TAC1: variants seen among roughly 807,000 people sequenced by gnomAD.
The protein encoded by TAC1 is protachykinin-1.
A neutral mutation model predicts 21.7 loss-of-function variants in TAC1; 12 were observed. The ratio of observed to expected loss-of-function variants is 0.55; its 90% CI spans 0.35 to 0.89. The LOEUF (loss-of-function observed/expected upper bound fraction) is 0.89. Ranked by LOEUF, TAC1 falls within the 40% of genes least tolerant of loss-of-function variation. The pLI is 0.01. For synonymous variants in TAC1, 52 were observed against 52.0 expected, an observed-to-expected ratio of 1.00 and a Z score of 0.00; for missense variants, 128 against 151.4, an observed-to-expected ratio of 0.85 and a Z score of 0.81.
intron 2 of TAC1, chr7:97,733,060 C>G (rs1789472025): frequency 3.9e-6 from 1 of 254,348 alleles, no homozygotes; most frequent in South Asian, 7.5e-5. Context: ...ATTTCGGGGG[C>G]TCCGGTCCAG....
chr7:97,740,042 C>CA lies in TAC1; in HGVS notation c.*127dup. The stretch of plus-strand genomic sequence containing the variant: ...TAACAATTGTTTGGGGTTGAAAATT[C>CA]AAAAAGTGTTTATTTTTCATATTGT... On this transcript the variant is annotated 3_prime_UTR_variant, in exon 7 of 7. Transcript: ENST00000319273. The CA allele has an allele frequency of 1.5e-6, 1 of 680,876 alleles. No homozygotes were observed. The allele number at this position is 680,876 out of a possible 1,614,324, so 42.2% of individuals were successfully genotyped here.
intron 6 of TAC1, among the ~76,000 whole-genome samples, chr7:97,739,587 A>G (rs778939046): frequency 6.6e-6 from 1 of 151,998 alleles, no homozygotes; most frequent in Non-Finnish European, 1.5e-5. Flanking sequence ...CTGCTTGAGA[A>G]AGCTGCTGAG....
In TAC1 at chr7:97,733,742, T is replaced by C. The variant is rs1230564121; in HGVS notation, c.143T>C (p.Phe48Ser). The change falls in exon 3 of 7, where the codon TTT (phenylalanine) becomes TCT (serine). Residue 48 changes from phenylalanine (F) to serine (S), a missense_variant. Transcript: ENST00000319273. Reference protein sequence around the residue: ...DQIKEELPEPFEHLLQRIARR... With the variant: ...DQIKEELPEPSEHLLQRIARR... ...TCCCAGGAGGAACTGCCGGAGCCCT[T>C]TGAGCATCTTCTGCAGAGAATCGCC... 3 of 1,613,998 alleles carry C rather than the reference T, an allele frequency of 1.9e-6. No individual in the cohort carries two copies. The highest frequency in any genetic ancestry group is 2.2e-5 in the East Asian group (1 of 44,860).
Position 97,733,676 on chromosome 7 carries a change from C to G in TAC1, c.124-47C>G, listed in dbSNP as rs774214302. ...GAAGGGCTCGGGTTGCTGGGTGCCTCGCTCTGGTTGCCTTACACGCCCTTT... is the reference window on the plus strand; with the variant it reads ...GAAGGGCTCGGGTTGCTGGGTGCCTGGCTCTGGTTGCCTTACACGCCCTTT... On this transcript the variant is annotated intron_variant, in intron 2 of 6. Transcript: ENST00000319273. 8 of 1,596,266 alleles carry G rather than the reference C, an allele frequency of 5.0e-6. No individual in the cohort carries two copies. The East Asian group carries it at 1.6e-4, about 31-fold the overall frequency.
Position 97,732,766 on chromosome 7 carries a change from C to T in TAC1, c.123+31C>T, listed in dbSNP as rs1789464111. ...GCCCCTTCCCAGGACGGCCCGCACC[C>T]TTCTTCCTGGGCTCGGGAGCTGTCA... On this transcript the variant is annotated intron_variant, in intron 2 of 6. Coordinates refer to ENST00000319273, the MANE Select transcript of TAC1 (RefSeq NM_003182.3). The surrounding 1 kb of genome is among the most constrained non-coding windows in gnomAD (Gnocchi z 6.2). 1 of 1,602,294 alleles carries T rather than the reference C, an allele frequency of 6.2e-7. No homozygotes were observed. Among genetic ancestry groups the T allele is most frequent in the East Asian group, 2.2e-5 (1 of 44,654 alleles).
chr7:97,739,760 G>A (rs1642493893), intron 6 of TAC1, 114 bp from the exon 7 acceptor site: 7 of 623,938 alleles, frequency 1.1e-5, no homozygotes, highest in Non-Finnish European at 1.6e-5. Context: ...TACTTCTGTA[G>A]AGGGAAAATG....
chr7:97,732,976 G>T lies in TAC1; in HGVS notation c.123+241G>T. On this transcript the variant is annotated intron_variant, in intron 2 of 6. Transcript: ENST00000319273. The surrounding 1 kb of genome is among the most constrained non-coding windows in gnomAD (Gnocchi z 6.2). ...CGGCCCAGGAACTCCCTGCAGTAGG[G>T]ATGCCCTCCCGGATGAGCCCGAGAT... The T allele has an allele frequency of 2.3e-6, 1 of 431,320 alleles. No individual in the cohort carries two copies. Among genetic ancestry groups the T allele is most frequent in the Non-Finnish European group, 4.1e-6 (1 of 242,234 alleles). 26.7% of individuals were successfully genotyped at this position (431,320 alleles called of 1,614,324 possible).
Position 97,733,767 on chromosome 7 carries a change from C to T in TAC1, c.168C>T (p.Ala56=), listed in dbSNP as rs1700524976. The stretch of plus-strand genomic sequence containing the variant: ...TTGAGCATCTTCTGCAGAGAATCGC[C>T]CGGAGACCCAAGCCTCAGCAGTTCT... ...EPFEHLLQRI[A]RRPKPQQFFG... is the part of the protein sequence containing the mutation. The change falls in exon 3 of 7, where the codon GCC becomes GCT. Residue 56 remains alanine (A), a synonymous_variant. Transcript: ENST00000319273. The T allele has an allele frequency of 1.2e-6, 2 of 1,614,026 alleles. No homozygotes were observed. Among genetic ancestry groups the T allele is most frequent in the African/African-American group, 1.3e-5 (1 of 74,914 alleles).
chr7:97,733,696 C>T, intron 2 of TAC1, 27 bp from the exon 3 acceptor site: 1 of 1,611,968 alleles, frequency 6.2e-7, no homozygotes, highest in Non-Finnish European at 8.5e-7. Flanking sequence ...GCCTTACACG[C>T]CCTTTGTCCG....
chr7:97,733,968 C>A, intron 3 of TAC1, 149 bp downstream of exon 3: 1 of 820,308 alleles, frequency 1.2e-6, no homozygotes, highest in Non-Finnish European at 1.9e-6. Flanking sequence ...GCCCACACCG[C>A]ACTAAGGCAC....
chr7:97,735,812 G>A (rs916771951), intron 5 of TAC1, among the ~76,000 whole-genome samples: 2 of 152,054 alleles, frequency 1.3e-5, no homozygotes, highest in South Asian at 2.1e-4. Flanking sequence ...TCTGAAAGGA[G>A]TATCTTTTAA....
rs143780517 is a variant in TAC1 at position 97,732,648 on chromosome 7, T to G, written c.36T>G (p.Leu12=). The G allele has an allele frequency of 6.6e-5, 106 of 1,614,152 alleles. No individual in the cohort carries two copies. The African/African-American group carries it at 1.3e-3, about 20-fold the overall frequency. ...KILVALAVFF[L]VSTQLFAEEI... ...TCGTGGCCTTGGCAGTCTTTTTTCT[T>G]GTCTCCACTCAGCTGTTTGCAGAAG... Residue 12 remains leucine, a synonymous_variant, in exon 2 of 7, where the codon CTT becomes CTG. Coordinates refer to ENST00000319273, the MANE Select transcript of TAC1 (RefSeq NM_003182.3). This position sits in a 1 kb window ranked among gnomAD's most constrained non-coding sequence, Gnocchi z 6.2.
chr7:97,736,471 G>GA (rs1441266468), intron 6 of TAC1, 119 bp downstream of exon 6: 9 of 943,716 alleles, frequency 9.5e-6, no homozygotes, highest in Non-Finnish European at 1.5e-5. Context: ...TATTATGGTG[G>GA]AAAAATTTAA....
intron 3 of TAC1, 147 bp downstream of exon 3, chr7:97,733,966 C>T (rs1224797193): frequency 1.2e-5 from 10 of 832,216 alleles, no homozygotes; most frequent in Admixed American, 2.5e-5. Flanking sequence ...TGGCCCACAC[C>T]GCACTAAGGC....
In TAC1 at chr7:97,732,963, T is replaced by G; in HGVS notation, c.123+228T>G. ...GGGCTGCACCGTCCGGCCCAGGAAC[T>G]CCCTGCAGTAGGGATGCCCTCCCGG... On this transcript the variant is annotated intron_variant, in intron 2 of 6. Coordinates refer to ENST00000319273, the MANE Select transcript of TAC1 (RefSeq NM_003182.3). The surrounding 1 kb of genome is among the most constrained non-coding windows in gnomAD (Gnocchi z 6.2). 1 of 521,432 alleles carries G rather than the reference T, an allele frequency of 1.9e-6. No homozygotes were observed. The highest frequency in any genetic ancestry group is 2.8e-5 in the South Asian group (1 of 35,742). The allele number at this position is 521,432 out of a possible 1,614,324, so 32.3% of individuals were successfully genotyped here. A position where few individuals can be genotyped will look rare whatever the true frequency, so the allele number is the denominator to read the frequency against.
Position 97,739,859 on chromosome 7 carries a change from CTTCT to C in TAC1, c.344-12_344-9del. 1.9e-6 allele frequency: 3 copies of C among 1,600,858 alleles called. No individual in the cohort carries two copies. The highest frequency in any genetic ancestry group is 1.7e-6 in the Non-Finnish European group (2 of 1,173,868). ...AATTCACTTAAAAAACACTTTATCT[CTTCT>C]TTGTTTTCAGTGGCTTATGAAAGGA... On this transcript the variant is annotated splice_polypyrimidine_tract_variant and intron_variant, in intron 6 of 6. Transcript: ENST00000319273.
At position 97,732,331 on chromosome 7, in the gene TAC1, T is replaced by G; in HGVS notation, c.-10+136T>G. ...GCTTCCCAAACGCCAACGCCCCTCT[T>G]TGTCTTCCACCTGCAGAGTTTCCTG... On this transcript the variant is annotated intron_variant, in intron 1 of 6. Transcript: ENST00000319273. This position sits in a 1 kb window ranked among gnomAD's most constrained non-coding sequence, Gnocchi z 6.2. 4.0e-6 allele frequency: 1 copy of G among 250,800 alleles called. No individual in the cohort carries two copies. The highest frequency in any genetic ancestry group is 7.7e-6 in the Non-Finnish European group (1 of 130,196). 15.5% of individuals were successfully genotyped at this position (250,800 alleles called of 1,614,324 possible).
In TAC1 at chr7:97,739,936, T is replaced by C. The variant is rs1434403483; in HGVS notation, c.*16T>C. The C allele has an allele frequency of 6.3e-7, 1 of 1,584,054 alleles. No homozygotes were observed. Among genetic ancestry groups the C allele is most frequent in the Non-Finnish European group, 8.6e-7 (1 of 1,160,552 alleles). ...AAGACGTTAATAAACTACCTAACAT[T>C]ATTTATTCAGCTTCATTTGTGTCAA... On this transcript the variant is annotated 3_prime_UTR_variant, in exon 7 of 7. Coordinates refer to ENST00000319273, the MANE Select transcript of TAC1 (RefSeq NM_003182.3).
chr7:97,732,577 G>T lies in TAC1; in HGVS notation c.-9-27G>T. On this transcript the variant is annotated intron_variant, in intron 1 of 6. Coordinates refer to ENST00000319273, the MANE Select transcript of TAC1 (RefSeq NM_003182.3). The surrounding 1 kb of genome is among the most constrained non-coding windows in gnomAD (Gnocchi z 6.2). ...AATAGATACATTATTTCTCTCTTTG[G>T]TGTCTTCTCCTCCTACCCCTTCCCA... is the stretch of plus-strand genomic sequence containing the variant. The T allele has an allele frequency of 6.2e-7, 1 of 1,613,144 alleles. No individual in the cohort carries two copies. The highest frequency in any genetic ancestry group is 8.5e-7 in the Non-Finnish European group (1 of 1,179,616).
Sources: gnomAD v4.1 joint callset for allele counts (sites outside exome capture counted in the v4.1 genomes callset) on GRCh38, gnomAD v4.1.1 for gene constraint, Gnocchi (gnomAD v3.1) non-coding constraint, MANE v1.5 for transcripts, NCBI Gene and HGNC (gene_info 2026-07-23, HGNC 2026-07-21) for gene names.